Variants in LINGO2 observed in about 807,000 individuals in gnomAD.
The protein encoded by LINGO2 is leucine-rich repeat and immunoglobulin-like domain-containing nogo receptor-interacting protein 2.
Under a neutral mutation model 30.6 loss-of-function variants are expected in LINGO2, and 14 were observed. The ratio of observed to expected loss-of-function variants is 0.46; its 90% CI spans 0.30 to 0.72. The LOEUF is 0.72. Ranked by LOEUF, LINGO2 falls within the 30% of genes least tolerant of loss-of-function variation. The probability of loss-of-function intolerance (pLI) is 0.07; values close to 1 mark genes in which losing one functional copy is unlikely to be tolerated. For synonymous variants in LINGO2, 317 were observed against 288.5 expected, an observed-to-expected ratio of 1.10 and a Z score of -1.00; for missense variants, 729 against 751.7, an observed-to-expected ratio of 0.97 and a Z score of 0.35.
intron 4 of LINGO2, among the ~76,000 whole-genome samples, chr9:28,290,569 G>A (rs1337144339): frequency 1.3e-5 from 2 of 151,976 alleles, no homozygotes; most frequent in East Asian, 3.9e-4. Flanking sequence ...GAGGAGATGG[G>A]AACTCAGTCT....
At chr9:28,621,590 C>T (rs963212198) in intron 1 of LINGO2, among the ~76,000 whole-genome samples, 2 of 151,824 alleles carry the variant, frequency 1.3e-5, no homozygotes, top group Non-Finnish European at 2.9e-5. Context: ...TCCAAATGTT[C>T]CTGAGATATA....
At chr9:28,012,761 C>T (rs959879683) in intron 4 of LINGO2, among the ~76,000 whole-genome samples, 2 of 152,184 alleles carry the variant, frequency 1.3e-5, no homozygotes, top group African/African-American at 4.8e-5. Context: ...CCCTGGGCAA[C>T]TCCCACTTAT....
chr9:29,088,279 C>G, the LINGO2 span, among the ~76,000 whole-genome samples: 1 of 152,122 alleles, frequency 6.6e-6, no homozygotes, highest in Non-Finnish European at 1.5e-5. Flanking sequence ...GTTTGGTTAT[C>G]TAAGGATCTA....
At chr9:29,044,049 T>G in the LINGO2 span, among the ~76,000 whole-genome samples, 2 of 152,074 alleles carry the variant, frequency 1.3e-5, no homozygotes, top group Non-Finnish European at 2.9e-5. Context: ...TTCAATCCTG[T>G]ATTTCCACTT....
At chr9:29,080,248 TTC>T in the LINGO2 span, among the ~76,000 whole-genome samples, 1 of 152,170 alleles carries the variant, frequency 6.6e-6, no homozygotes, top group Admixed American at 6.6e-5. Context: ...GTTTACAGTA[TTC>T]TCTGATGGTA....
chr9:28,418,626 T>C (rs1458404178), intron 2 of LINGO2, among the ~76,000 whole-genome samples: 1 of 152,032 alleles, frequency 6.6e-6, no homozygotes, highest in Non-Finnish European at 1.5e-5. Flanking sequence ...TTCTCATCTG[T>C]AAAATGGATA....
At chr9:29,080,137 A>C in the LINGO2 span, among the ~76,000 whole-genome samples, 1 of 152,054 alleles carries the variant, frequency 6.6e-6, no homozygotes, top group Non-Finnish European at 1.5e-5. Flanking sequence ...TTTTTGGTCT[A>C]CTCAGGGATT....
chr9:28,354,302 A>G (rs1820064946), intron 3 of LINGO2, among the ~76,000 whole-genome samples: 1 of 152,158 alleles, frequency 6.6e-6, no homozygotes. Context: ...TTCATTATTA[A>G]TTTTGCTTTA....
the LINGO2 span, among the ~76,000 whole-genome samples, chr9:29,017,922 C>G: frequency 6.6e-6 from 1 of 151,660 alleles, no homozygotes. Flanking sequence ...AGTCATGGTG[C>G]CCAAGAGCAG....
the LINGO2 span, among the ~76,000 whole-genome samples, chr9:28,859,575 C>T: frequency 2.0e-5 from 3 of 152,024 alleles, no homozygotes; most frequent in East Asian, 5.8e-4. Flanking sequence ...TTTGTCACTT[C>T]ATTAATTTTT....
At chr9:28,470,597 T>C (rs1163141087) in intron 2 of LINGO2, among the ~76,000 whole-genome samples, 1 of 152,120 alleles carries the variant, frequency 6.6e-6, no homozygotes, top group African/African-American at 2.4e-5. Flanking sequence ...TTCAAATGGC[T>C]GAACAAATAA....
chr9:29,138,759 G>A, the LINGO2 span, among the ~76,000 whole-genome samples: 1 of 152,086 alleles, frequency 6.6e-6, no homozygotes, highest in East Asian at 1.9e-4. Flanking sequence ...AGTATCATAC[G>A]AACTTTGCAA....
Position 27,950,142 on chromosome 9 carries a change from AGAAGCCCACT to A in LINGO2, c.520_529del (p.Ser174LeufsTer13). ...CTCCAGGGTGAGCTGCTCCAAGCTAAGAAGCCCACTGAATGCCCTGTGTGATATATAAACC... is the reference window on the plus strand; with the variant it reads ...CTCCAGGGTGAGCTGCTCCAAGCTAAGAATGCCCTGTGTGATATATAAACC... On this transcript the variant is annotated frameshift_variant, in exon 6 of 6. Coordinates refer to ENST00000379992, the Ensembl canonical transcript of LINGO2. LOFTEE classifies it high-confidence loss of function. 6.2e-7 allele frequency: 1 copy of A among 1,614,116 alleles called. No individual in the cohort carries two copies. The highest frequency in any genetic ancestry group is 8.5e-7 in the Non-Finnish European group (1 of 1,179,998).
intron 5 of LINGO2, among the ~76,000 whole-genome samples, chr9:27,998,014 A>C (rs1367574567): frequency 2.0e-5 from 3 of 152,150 alleles, no homozygotes; most frequent in African/African-American, 7.2e-5. Context: ...GAAAATTATA[A>C]TATTTTAGTT....
chr9:28,594,542 G>A (rs903589602), intron 1 of LINGO2, among the ~76,000 whole-genome samples: 8 of 152,188 alleles, frequency 5.3e-5, no homozygotes, highest in Admixed American at 2.6e-4. Context: ...TCTGGAACTG[G>A]TATTTTACAG....
At chr9:28,302,890 G>T (rs1824202947) in intron 3 of LINGO2, among the ~76,000 whole-genome samples, 2 of 152,130 alleles carry the variant, frequency 1.3e-5, no homozygotes. Flanking sequence ...CAATTGAAAA[G>T]CATGGGGTCA....
intron 4 of LINGO2, among the ~76,000 whole-genome samples, chr9:28,206,854 T>C (rs1404487821): frequency 2.0e-5 from 3 of 152,122 alleles, no homozygotes; most frequent in Non-Finnish European, 4.4e-5. Context: ...TAATTATTTC[T>C]CCCAACCCAG....
At chr9:28,768,025 T>C in the LINGO2 span, among the ~76,000 whole-genome samples, 56 of 152,288 alleles carry the variant, frequency 3.7e-4, no homozygotes, top group African/African-American at 1.3e-3. Flanking sequence ...TATTTAATAA[T>C]TGGAGGTGCG....
intron 2 of LINGO2, among the ~76,000 whole-genome samples, chr9:28,445,732 A>T (rs1309051080): frequency 6.6e-6 from 1 of 152,194 alleles, no homozygotes; most frequent in Non-Finnish European, 1.5e-5. Context: ...AAAATTTAAG[A>T]ATATACAAGG....
Sources: gnomAD v4.1 joint callset for allele counts (sites outside exome capture counted in the v4.1 genomes callset) on GRCh38, gnomAD v4.1.1 for gene constraint, MANE v1.5 for transcripts, NCBI Gene and HGNC (gene_info 2026-07-23, HGNC 2026-07-21) for gene names.